Variants in GLIS3 observed in about 807,000 individuals in gnomAD.
The protein encoded by GLIS3 is zinc finger protein GLIS3.
GLIS3 carries 53 observed loss-of-function variants against 78.6 expected under a neutral mutation model. That is an observed-to-expected ratio of 0.67 (90% CI 0.54 to 0.85). GLIS3 has a LOEUF of 0.85. Among genes scored for constraint, GLIS3 ranks in the 40% least tolerant of loss-of-function variants. The pLI, the probability that GLIS3 is intolerant of heterozygous loss-of-function variation, is 0.00. For missense variants in GLIS3, 1,703 were observed against 1,231.1 expected (o/e 1.38, Z -5.74); for synonymous variants, 684 against 509.9 (o/e 1.34, Z -4.60).
At chr9:3,859,656 C>T (rs1186445924) in intron 8 of GLIS3, among the ~76,000 whole-genome samples, 1 of 152,168 alleles carries the variant, frequency 6.6e-6, no homozygotes, top group Admixed American at 6.5e-5. Context: ...CACCTTCTGA[C>T]ATCTTTTCTA....
At chr9:4,381,151 CTT>C in the GLIS3 span, among the ~76,000 whole-genome samples, 1 of 152,078 alleles carries the variant, frequency 6.6e-6, no homozygotes, top group African/African-American at 2.4e-5. Flanking sequence ...ATGTGAATGA[CTT>C]TACATTTTTA....
the GLIS3 span, among the ~76,000 whole-genome samples, chr9:4,361,450 G>C: frequency 2.0e-5 from 3 of 152,142 alleles, no homozygotes. Flanking sequence ...CCCAATCTAA[G>C]ACAACAGTTC....
chr9:4,245,872 T>C lies in GLIS3; in HGVS notation c.388+40166A>G, dbSNP rs75971452. 2.8e-3 allele frequency among the ~76,000 whole-genome samples: 427 copies of C among 152,316 alleles called. 2 individuals carry two copies. The highest frequency in any genetic ancestry group is 9.9e-3 in the African/African-American group (413 of 41,574). On this transcript the variant is annotated intron_variant, in intron 2 of 10. Transcript: ENST00000381971. The stretch of plus-strand genomic sequence containing the variant: ...TCAACTGACTAGCAAAGTAGGTAAA[T>C]CTCACAAGTTTTGCTGGTCTTTCAT...
chr9:4,196,156 C>G (rs1818823193), intron 2 of GLIS3, among the ~76,000 whole-genome samples: 1 of 151,286 alleles, frequency 6.6e-6, no homozygotes, highest in Non-Finnish European at 1.5e-5. Flanking sequence ...ACTTGGAGAA[C>G]TTTTATGTCT....
the GLIS3 span, among the ~76,000 whole-genome samples, chr9:4,469,525 AC>A: frequency 1.5e-3 from 234 of 152,304 alleles, no homozygotes; most frequent in African/African-American, 5.1e-3. Context: ...ACAACATGCT[AC>A]TGAATGACTA....
chr9:3,963,662 T>G (rs181163763), intron 4 of GLIS3, among the ~76,000 whole-genome samples: 14 of 152,236 alleles, frequency 9.2e-5, no homozygotes, highest in Admixed American at 5.2e-4. Flanking sequence ...GGAGGTCATT[T>G]AAAAGTTAAC....
chr9:3,840,175 A>T (rs957242140), intron 9 of GLIS3, among the ~76,000 whole-genome samples: 1 of 152,230 alleles, frequency 6.6e-6, no homozygotes, highest in African/African-American at 2.4e-5. Context: ...CCTTAAGTTC[A>T]ACTATGTAAC....
intron 2 of GLIS3, among the ~76,000 whole-genome samples, chr9:4,181,796 A>C (rs1021855387): frequency 3.9e-5 from 6 of 152,214 alleles, no homozygotes; most frequent in Non-Finnish European, 7.3e-5. Context: ...AAAGAAGTCT[A>C]GGCTAGCATC....
chr9:3,843,916 G>A (rs965202119), intron 9 of GLIS3, among the ~76,000 whole-genome samples: 2 of 152,142 alleles, frequency 1.3e-5, no homozygotes, highest in Admixed American at 6.5e-5. Flanking sequence ...AAAAAATACC[G>A]AAATGTTTTT....
At chr9:4,478,447 C>G in the GLIS3 span, among the ~76,000 whole-genome samples, 5 of 152,062 alleles carry the variant, frequency 3.3e-5, no homozygotes, top group African/African-American at 1.2e-4. Context: ...CCCCTCTCTA[C>G]TAAAAATACA....
At chr9:4,163,725 G>A (rs906591598) in intron 2 of GLIS3, among the ~76,000 whole-genome samples, 5 of 152,224 alleles carry the variant, frequency 3.3e-5, no homozygotes, top group Admixed American at 3.3e-4. Context: ...CAGCCACATA[G>A]TATTTAGTAT....
intron 2 of GLIS3, among the ~76,000 whole-genome samples, chr9:4,128,147 T>G (rs1290554580): frequency 1.3e-5 from 2 of 152,226 alleles, no homozygotes; most frequent in African/African-American, 4.8e-5. Flanking sequence ...TGCTCTTCTC[T>G]TTGCCTGGAA....
chr9:4,083,458 T>C (rs1048065466), intron 4 of GLIS3, among the ~76,000 whole-genome samples: 1 of 152,182 alleles, frequency 6.6e-6, no homozygotes, highest in African/African-American at 2.4e-5. Flanking sequence ...CTGTTACTAA[T>C]GAATGTTTGA....
chr9:4,199,446 CATATATAAGTTATATATAAGTTTAT>C (rs536517176), intron 2 of GLIS3, among the ~76,000 whole-genome samples: 4 of 149,616 alleles, frequency 2.7e-5, no homozygotes, highest in Admixed American at 6.7e-5. Context: ...TATAACATAT[CATATATAAGTTATATATAAGTTTAT>C]ATATATAAGT....
chr9:4,173,920 A>G (rs1816597705), intron 2 of GLIS3, among the ~76,000 whole-genome samples: 1 of 138,002 alleles, frequency 7.2e-6, no homozygotes, highest in Non-Finnish European at 1.6e-5. Flanking sequence ...TAAAACACAC[A>G]CACACACACA....
At chr9:3,950,874 GCTTT>G (rs1816633354) in intron 4 of GLIS3, among the ~76,000 whole-genome samples, 1 of 152,012 alleles carries the variant, frequency 6.6e-6, no homozygotes, top group Non-Finnish European at 1.5e-5. Flanking sequence ...TCCCTCCCTC[GCTTT>G]CTTTCTCTTT....
At chr9:3,840,728 A>G (rs1483928977) in intron 9 of GLIS3, among the ~76,000 whole-genome samples, 3 of 152,174 alleles carry the variant, frequency 2.0e-5, no homozygotes, top group Non-Finnish European at 2.9e-5. Context: ...CGTAGCATGA[A>G]GGCTTCTAAT....
intron 2 of GLIS3, among the ~76,000 whole-genome samples, chr9:4,268,502 G>A (rs1826214176): frequency 6.6e-6 from 1 of 152,144 alleles, no homozygotes; most frequent in South Asian, 2.1e-4. Context: ...ATTTGATATA[G>A]AGCGTTCTGA....
chr9:3,902,028 C>A (rs1823341576), intron 6 of GLIS3, among the ~76,000 whole-genome samples: 1 of 152,152 alleles, frequency 6.6e-6, no homozygotes, highest in East Asian at 1.9e-4. Context: ...TTTATAGTTA[C>A]CCGTACCAAC....
Sources: allele counts gnomAD v4.1 joint callset (sites outside exome capture counted in the v4.1 genomes callset), GRCh38; gene constraint gnomAD v4.1.1; transcripts MANE v1.5; gene names NCBI Gene and HGNC (gene_info 2026-07-23, HGNC 2026-07-21).